Variants in ELP4 observed in about 807,000 individuals in gnomAD.
ELP4 encodes the protein elongator complex protein 4.
Under a neutral mutation model 48.9 loss-of-function variants are expected in ELP4, and 51 were observed. The ratio of observed to expected loss-of-function variants is 1.04; its 90% confidence interval spans 0.83 to 1.32. ELP4 has a LOEUF of 1.32. ELP4 is among the 40% of genes most tolerant of loss of function. The probability of loss-of-function intolerance (pLI) is 0.00; values close to 1 mark genes in which losing one functional copy is unlikely to be tolerated. For synonymous variants in ELP4, 210 were observed against 189.2 expected (o/e 1.11, Z -0.90); for missense variants, 519 against 514.6 (o/e 1.01, Z -0.08).
intron 2 of ELP4, among the ~76,000 whole-genome samples, chr11:31,528,934 T>C (rs1303229021): frequency 6.6e-6 from 1 of 152,058 alleles, no homozygotes; most frequent in African/African-American, 2.4e-5. Flanking sequence ...AGTGTTGTCA[T>C]AGACAAATGG....
At chr11:31,647,877 G>A in intron 8 of ELP4, 28 bp downstream of exon 8, 1 of 1,333,898 alleles carries the variant, frequency 7.5e-7, no homozygotes. Context: ...AATGAGAAGA[G>A]CAGGAGCAGG....
chr11:31,575,703 G>A (rs1255205038), intron 3 of ELP4, among the ~76,000 whole-genome samples: 10 of 152,162 alleles, frequency 6.6e-5, no homozygotes, highest in Non-Finnish European at 4.4e-5. Context: ...CTTCATAAGT[G>A]AAGGAGAAAT....
rs78360113 is a variant in ELP4 at position 31,756,431 on chromosome 11, T to C, written c.1144-26962T>C. On this transcript the variant is annotated intron_variant, in intron 9 of 9. Coordinates refer to ENST00000640961, the MANE Select transcript of ELP4 (RefSeq NM_019040.5). ...AACAACCCACACTTTTACCCCTCTTTGGCTTTGCATTTGCTGTTTTTCTTC... is the reference window on the plus strand; with the variant it reads ...AACAACCCACACTTTTACCCCTCTTCGGCTTTGCATTTGCTGTTTTTCTTC... Among the ~76,000 whole-genome samples, 755 of 152,310 alleles carry C rather than the reference T, an allele frequency of 5.0e-3. 5 individuals carry two copies. Among genetic ancestry groups the C allele is most frequent in the African/African-American group, 0.017 (714 of 41,566 alleles).
rs1037614428 is a variant in ELP4, at chr11:31,544,457, C to T, written c.381+4674C>T. Among the ~76,000 whole-genome samples, 10 of 152,244 alleles carry T rather than the reference C, an allele frequency of 6.6e-5. No individual in the cohort carries two copies. In the East Asian group the frequency reaches 9.7e-4, roughly 15 times the overall value. ...GCAGTGAGGCTGGGGGAGGGGTGCCCGCCATTGCCCAGGTTTGCTTAGGTA... is the reference window on the plus strand; with the variant it reads ...GCAGTGAGGCTGGGGGAGGGGTGCCTGCCATTGCCCAGGTTTGCTTAGGTA... On this transcript the variant is annotated intron_variant, in intron 3 of 9. Coordinates refer to ENST00000640961, the MANE Select transcript of ELP4 (RefSeq NM_019040.5).
intron 1 of ELP4, among the ~76,000 whole-genome samples, chr11:31,516,466 T>C (rs1251305272): frequency 6.6e-6 from 1 of 152,200 alleles, no homozygotes; most frequent in Non-Finnish European, 1.5e-5. Context: ...ACATTTAGTC[T>C]AATCTTATCC....
intron 9 of ELP4, chr11:31,767,222 A>G (rs930390935): frequency 1.1e-4 from 16 of 152,302 alleles, no homozygotes; most frequent in African/African-American, 3.9e-4. Flanking sequence ...GAACATTCCC[A>G]TTGCATACCT....
At chr11:31,749,059 A>G (rs1947660742) in intron 9 of ELP4, among the ~76,000 whole-genome samples, 2 of 152,210 alleles carry the variant, frequency 1.3e-5, no homozygotes, top group South Asian at 2.1e-4. Flanking sequence ...TAGAAACAGT[A>G]TAGAATCTGG....
chr11:31,595,490 A>G (rs1473710089), intron 4 of ELP4, among the ~76,000 whole-genome samples: 1 of 152,212 alleles, frequency 6.6e-6, no homozygotes, highest in African/African-American at 2.4e-5. Context: ...TCTATCAGAT[A>G]TTAGCATACT....
intron 4 of ELP4, among the ~76,000 whole-genome samples, chr11:31,602,227 G>A (rs1433362078): frequency 6.6e-6 from 1 of 152,022 alleles, no homozygotes; most frequent in Admixed American, 6.6e-5. Context: ...AGCTCTAGCA[G>A]AGATTGCAAT....
chr11:31,640,674 C>G (rs554687206), intron 7 of ELP4, among the ~76,000 whole-genome samples: 9 of 151,896 alleles, frequency 5.9e-5, no homozygotes, highest in Non-Finnish European at 1.2e-4. Context: ...AATAAAAGCT[C>G]TTAGCCACAA....
At chr11:31,673,693 T>C (rs1945858003) in intron 9 of ELP4, among the ~76,000 whole-genome samples, 1 of 152,224 alleles carries the variant, frequency 6.6e-6, no homozygotes, top group African/African-American at 2.4e-5. Context: ...AGTCCCATTA[T>C]CAGTTATCTA....
intron 2 of ELP4, among the ~76,000 whole-genome samples, chr11:31,521,404 C>T (rs926468521): frequency 6.6e-6 from 1 of 151,878 alleles, no homozygotes; most frequent in Non-Finnish European, 1.5e-5. Flanking sequence ...TCCCACTATT[C>T]CATAGTTAAT....
intron 9 of ELP4, among the ~76,000 whole-genome samples, chr11:31,683,390 T>C (rs1946095861): frequency 6.6e-6 from 1 of 152,206 alleles, no homozygotes; most frequent in African/African-American, 2.4e-5. Flanking sequence ...GAGGTTTCCA[T>C]TTTTAAAAAT....
At chr11:31,542,751 T>C (rs990551112) in intron 3 of ELP4, among the ~76,000 whole-genome samples, 14 of 152,184 alleles carry the variant, frequency 9.2e-5, no homozygotes, top group African/African-American at 2.7e-4. Context: ...AAATATTCTG[T>C]GTCTGGTTTC....
rs187529373 is a variant in ELP4 at position 31,556,711 on chromosome 11, A to G, written c.381+16928A>G. 1.2e-4 allele frequency among the ~76,000 whole-genome samples: 19 copies of G among 152,032 alleles called. No homozygotes were observed. The East Asian group carries it at 3.5e-3, about 28-fold the overall frequency. On this transcript the variant is annotated intron_variant, in intron 3 of 9. Coordinates refer to ENST00000640961, the MANE Select transcript of ELP4 (RefSeq NM_019040.5). ...AGAAGTATCTAAGATCGAGAGCAAA[A>G]CATAAATTGTTGCATTAACTTTCGA...
In ELP4 at chr11:31,647,829, C is replaced by T. The variant is rs1945236848; in HGVS notation, c.1016C>T (p.Pro339Leu). ...SFIGSERETNPLYKDYHGLIH... is the reference protein window; with the variant it reads ...SFIGSERETNLLYKDYHGLIH... ...ATTGGTTCTGAGAGAGAAACTAACC[C>T]ATTGTATAAGGATTATCATGGTAAG... is the stretch of plus-strand genomic sequence containing the variant. The change falls in exon 8 of 10, where the codon CCA becomes CTA. Residue 339 changes from proline to leucine, a missense_variant. By Grantham distance (98) the Pro-to-Leu change is moderately conservative. Coordinates refer to ENST00000640961, the MANE Select transcript of ELP4 (RefSeq NM_019040.5). The T allele has an allele frequency of 6.3e-7, 1 of 1,597,704 alleles. No homozygotes were observed. The highest frequency in any genetic ancestry group is 8.6e-7 in the Non-Finnish European group (1 of 1,166,306).
rs1217192690 is a variant in ELP4 at position 31,582,846 on chromosome 11, CT to C, written c.382-11922del. 9.9e-5 allele frequency among the ~76,000 whole-genome samples: 15 copies of C among 151,732 alleles called. No individual in the cohort carries two copies. In the South Asian group the frequency reaches 2.9e-3, roughly 30 times the overall value. ...TCTTGACTGTTCTGTTAAAGGATGC[CT>C]TCTGCCCTTCTGAAAGCCTTAGCAG... On this transcript the variant is annotated intron_variant, in intron 3 of 9. Coordinates refer to ENST00000640961, the MANE Select transcript of ELP4 (RefSeq NM_019040.5).
chr11:31,763,877 C>T (rs1382321337), intron 9 of ELP4, among the ~76,000 whole-genome samples: 2 of 151,836 alleles, frequency 1.3e-5, no homozygotes, highest in Non-Finnish European at 2.9e-5. Flanking sequence ...GCACAGGTAG[C>T]CCATGGGGCT....
At chr11:31,514,322 G>C (rs971974455) in intron 1 of ELP4, among the ~76,000 whole-genome samples, 1 of 152,116 alleles carries the variant, frequency 6.6e-6, no homozygotes, top group Non-Finnish European at 1.5e-5. Flanking sequence ...ACCCAAGCTT[G>C]GTGGTGCACA....
Sources: allele counts gnomAD v4.1 joint callset (sites outside exome capture counted in the v4.1 genomes callset), GRCh38; gene constraint gnomAD v4.1.1; transcripts MANE v1.5; gene names NCBI Gene and HGNC (gene_info 2026-07-23, HGNC 2026-07-21).